Variants in LRRFIP2 observed in about 807,000 individuals in gnomAD.
LRRFIP2 encodes the protein LRR binding FLII interacting protein 2, also known as leucine-rich repeat flightless-interacting protein 2.
Under a neutral mutation model 125.9 loss-of-function variants are expected in LRRFIP2, and 109 were observed. That is an observed-to-expected ratio of 0.87 (90% CI 0.74 to 1.01). LRRFIP2 has a LOEUF of 1.01. LRRFIP2 is among the 50% of genes least tolerant of loss of function. The probability of loss-of-function intolerance (pLI) is 0.00; values close to 1 mark genes in which losing one functional copy is unlikely to be tolerated. For synonymous variants in LRRFIP2, 291 were observed against 293.1 expected (o/e 0.99, Z 0.07); for missense variants, 850 against 862.3 (o/e 0.99, Z 0.18).
intron 1 of LRRFIP2, among the ~76,000 whole-genome samples, chr3:37,172,431 C>T (rs1484491341): frequency 6.6e-6 from 1 of 152,148 alleles, no homozygotes; most frequent in African/African-American, 2.4e-5. Context: ...CAATATATTT[C>T]TCCTAGACAT....
intron 16 of LRRFIP2, 62 bp downstream of exon 16, chr3:37,096,554 C>T (rs2149249573): frequency 1.0e-6 from 1 of 999,726 alleles, no homozygotes. Flanking sequence ...AAATAATGAA[C>T]AAGTTACAGA....
chr3:37,139,606 C>T (rs944345046), intron 2 of LRRFIP2, among the ~76,000 whole-genome samples: 2 of 152,124 alleles, frequency 1.3e-5, no homozygotes, highest in African/African-American at 4.8e-5. Context: ...TGAAGAGCTG[C>T]CTCTTCTGTT....
At chr3:37,128,637 C>A (rs1165542649) in intron 3 of LRRFIP2, among the ~76,000 whole-genome samples, 1 of 151,950 alleles carries the variant, frequency 6.6e-6, no homozygotes, top group Non-Finnish European at 1.5e-5. Flanking sequence ...TTTTGGTTTG[C>A]TTTTATCTCA....
intron 6 of LRRFIP2, among the ~76,000 whole-genome samples, chr3:37,119,965 T>C (rs2094953387): frequency 6.6e-6 from 1 of 151,064 alleles, no homozygotes. Context: ...CCCGGCCTTT[T>C]CAAAATATTT....
At chr3:37,137,080 C>A (rs1405784660) in intron 2 of LRRFIP2, among the ~76,000 whole-genome samples, 1 of 151,916 alleles carries the variant, frequency 6.6e-6, no homozygotes, top group African/African-American at 2.4e-5. Flanking sequence ...TGATCTTTCC[C>A]ATCTCAGCCT....
At position 37,053,910 on chromosome 3, in the gene LRRFIP2, G is replaced by A; in HGVS notation, c.2107C>T (p.Leu703=). 1 of 1,614,134 alleles carries A rather than the reference G, an allele frequency of 6.2e-7. No homozygotes were observed. The highest frequency in any genetic ancestry group is 1.1e-5 in the South Asian group (1 of 91,086). The change falls in exon 28 of 28, where the codon CTG becomes TTG. Residue 703 remains leucine (L), a synonymous_variant. Coordinates refer to ENST00000336686, the MANE Select transcript of LRRFIP2 (RefSeq NM_006309.4). ...TTCATCTTCTCCAGCCGCTTGGCCA[G>A]GTGGCTGTTGGTCATCTCCATCTCC... ...IEEMEMTNSH[L]AKRLEKMKAN... is the part of the protein sequence containing the mutation.
At chr3:37,119,888 T>C (rs1576929247) in intron 6 of LRRFIP2, among the ~76,000 whole-genome samples, 1 of 152,042 alleles carries the variant, frequency 6.6e-6, no homozygotes, top group South Asian at 2.1e-4. Context: ...TCTGGAACTC[T>C]GAACCTCAGG....
intron 21 of LRRFIP2, among the ~76,000 whole-genome samples, chr3:37,072,258 TGGGAGGCCAAGG>T (rs1040009210): frequency 3.9e-5 from 6 of 152,050 alleles, no homozygotes; most frequent in Admixed American, 3.9e-4. Flanking sequence ...CCTAGCACTT[TGGGAGGCCAAGG>T]TGGGTGGATT....
At chr3:37,101,923 A>G (rs2094078251) in intron 15 of LRRFIP2, among the ~76,000 whole-genome samples, 1 of 152,180 alleles carries the variant, frequency 6.6e-6, no homozygotes, top group Non-Finnish European at 1.5e-5. Context: ...TCCTAAATTC[A>G]GTTCCTGATG....
intron 19 of LRRFIP2, among the ~76,000 whole-genome samples, chr3:37,077,479 TA>T (rs960773867): frequency 2.0e-5 from 3 of 152,220 alleles, no homozygotes; most frequent in African/African-American, 7.2e-5. Context: ...TTTGTACATA[TA>T]TTTTGAATGA....
chr3:37,100,349 C>CGT (rs1172083403), intron 15 of LRRFIP2, among the ~76,000 whole-genome samples: 3 of 144,592 alleles, frequency 2.1e-5, no homozygotes, highest in Non-Finnish European at 3.0e-5. Context: ...TGTATGTATG[C>CGT]GTATATATAT....
chr3:37,143,703 T>C (rs189677435), intron 2 of LRRFIP2: 86 of 168,554 alleles, frequency 5.1e-4, no homozygotes, highest in Middle Eastern at 2.6e-3. Flanking sequence ...CAGTAAACTT[T>C]AGACATATTT....
chr3:37,089,062 A>G (rs2093274231), intron 18 of LRRFIP2, among the ~76,000 whole-genome samples: 1 of 151,978 alleles, frequency 6.6e-6, no homozygotes, highest in Non-Finnish European at 1.5e-5. Context: ...ATTTTGTTCT[A>G]TAGCTTGCCT....
chr3:37,111,168 C>A (rs539117405), intron 8 of LRRFIP2, 103 bp from the exon 9 acceptor site: 6 of 732,960 alleles, frequency 8.2e-6, no homozygotes, highest in Non-Finnish European at 6.9e-6. Context: ...TATGATATTG[C>A]CAAATCCCTT....
chr3:37,087,468 T>C (rs2093130820), intron 18 of LRRFIP2, among the ~76,000 whole-genome samples: 2 of 152,190 alleles, frequency 1.3e-5, no homozygotes, highest in Admixed American at 6.5e-5. Context: ...ATGTATCCAA[T>C]GTAATCTTCC....
At position 37,058,899 on chromosome 3, in the gene LRRFIP2, C is replaced by T; in HGVS notation, c.1761G>A (p.Leu587=). ...KEELLSQIRK[L]KLQLEEERQK... ...GTCGTTCCTCCTCTAACTGAAGCTT[C>T]AGTTTTCTAATCTGAAATGAAAATA... The change falls in exon 25 of 28, where the codon CTG becomes CTA. Residue 587 remains leucine (L), a synonymous_variant. Coordinates refer to ENST00000336686, the MANE Select transcript of LRRFIP2 (RefSeq NM_006309.4). 3 of 1,613,912 alleles carry T rather than the reference C, an allele frequency of 1.9e-6. No homozygotes were observed. Among genetic ancestry groups the T allele is most frequent in the Non-Finnish European group, 2.5e-6 (3 of 1,179,930 alleles).
In LRRFIP2 at chr3:37,152,220, T is replaced by C. The variant is rs151158261; in HGVS notation, c.-55-3182A>G. On this transcript the variant is annotated intron_variant, in intron 1 of 27. Coordinates refer to ENST00000336686, the MANE Select transcript of LRRFIP2 (RefSeq NM_006309.4). Reference sequence around the variant, plus strand: ...TAAGTGAAGTAACATATGATCTCACTTATAATTGGGAGCTAAAATATACAG... The same window carrying C: ...TAAGTGAAGTAACATATGATCTCACCTATAATTGGGAGCTAAAATATACAG... 3.3e-3 allele frequency among the ~76,000 whole-genome samples: 502 copies of C among 152,274 alleles called. 7 individuals are homozygous for C. The highest frequency in any genetic ancestry group is 9.3e-3 in the East Asian group (48 of 5,178).
chr3:37,065,639 A>T (rs9311151), intron 23 of LRRFIP2, 171 bp downstream of exon 23: 2 of 807,562 alleles, frequency 2.5e-6, no homozygotes, highest in Admixed American at 4.0e-5. Flanking sequence ...TGATTTCCCA[A>T]GGTCAAGGAT....
At chr3:37,055,960 T>G (rs1371706870) in intron 25 of LRRFIP2, among the ~76,000 whole-genome samples, 2 of 152,234 alleles carry the variant, frequency 1.3e-5, no homozygotes, top group Non-Finnish European at 2.9e-5. Context: ...ACCTCTTTCA[T>G]GACTCCCCTT....
Sources: allele counts gnomAD v4.1 joint callset (sites outside exome capture counted in the v4.1 genomes callset), GRCh38; gene constraint gnomAD v4.1.1; transcripts MANE v1.5; gene names NCBI Gene and HGNC (gene_info 2026-07-23, HGNC 2026-07-21).